The following MAGI3 variants were observed in gnomAD, a reference collection of about 807,000 sequenced individuals.
MAGI3 encodes membrane associated guanylate kinase, WW and PDZ domain containing 3.
A neutral mutation model predicts 121.8 loss-of-function variants in MAGI3; 43 were observed. The observed-to-expected ratio is 0.35, with a 90% CI of 0.28 to 0.46. The LOEUF (loss-of-function observed/expected upper bound fraction) is 0.46. MAGI3 is among the 20% of genes least tolerant of loss of function. The pLI is 1.00. For synonymous variants in MAGI3, 553 were observed against 639.3 expected (o/e 0.86, Z 2.04); for missense variants, 1,547 against 1,797.3 (o/e 0.86, Z 2.52).
chr1:113,491,492 C>G (rs1656663981), intron 1 of MAGI3, among the ~76,000 whole-genome samples: 1 of 151,924 alleles, frequency 6.6e-6, no homozygotes, highest in African/African-American at 2.4e-5. Context: ...CAAAGAAATC[C>G]CAAAGCTAGC....
At chr1:113,579,664 A>C (rs189126784) in intron 2 of MAGI3, among the ~76,000 whole-genome samples, 113 of 152,270 alleles carry the variant, frequency 7.4e-4, no homozygotes, top group African/African-American at 2.5e-3. Flanking sequence ...ACCAACAATA[A>C]AGGTCCTAGA....
chr1:113,399,165 C>T (rs868820679), intron 1 of MAGI3, among the ~76,000 whole-genome samples: 9 of 152,006 alleles, frequency 5.9e-5, no homozygotes, highest in South Asian at 4.2e-4. Context: ...CTCTGAACCC[C>T]GAAGTCATAC....
At chr1:113,560,665 A>G (rs1660197220) in intron 2 of MAGI3, among the ~76,000 whole-genome samples, 1 of 152,156 alleles carries the variant, frequency 6.6e-6, no homozygotes, top group Non-Finnish European at 1.5e-5. Flanking sequence ...TCAAAAGGCT[A>G]GAAAGATCTC....
intron 1 of MAGI3, among the ~76,000 whole-genome samples, chr1:113,468,250 C>T (rs922408606): frequency 1.8e-4 from 27 of 152,030 alleles, no homozygotes; most frequent in African/African-American, 6.3e-4. Flanking sequence ...TTAGTACTAC[C>T]ATTTTGTTGC....
chr1:113,683,991 G>A lies in MAGI3; in HGVS notation c.4423G>A (p.Gly1475Ser), dbSNP rs1648391715. The A allele has an allele frequency of 6.3e-7, 1 of 1,576,886 alleles. No homozygotes were observed. The highest frequency in any genetic ancestry group is 2.0e-5 in the Admixed American group (1 of 50,308). The change falls in exon 21 of 21, where the codon GGT (glycine) becomes AGT (serine). Residue 1475 changes from glycine to serine, a missense_variant. By Grantham distance (56) the Gly-to-Ser change is moderately conservative (BLOSUM62 0). Transcript: ENST00000307546. ...TGGAAATAAAGTCACAGGCACTATT[G>A]GTATGGCTGAGAAACGGCAGTAACC... Reference protein sequence around the residue: ...PSGNKVTGTIGMAEKRQ With the variant: ...PSGNKVTGTISMAEKRQ
rs944679170 is a variant in MAGI3 at position 113,490,524 on chromosome 1, C to T, written c.317-58991C>T. 7.2e-5 allele frequency among the ~76,000 whole-genome samples: 11 copies of T among 152,278 alleles called. No homozygotes were observed. The East Asian group carries it at 1.5e-3, about 21-fold the overall frequency. On this transcript the variant is annotated intron_variant, in intron 1 of 20. Coordinates refer to ENST00000307546, the MANE Select transcript of MAGI3 (RefSeq NM_001142782.2). ...TGTGACAGTGTCAGATCCAAACATACTAATACTAACCTTGAATGTAATGAG... is the reference window on the plus strand; with the variant it reads ...TGTGACAGTGTCAGATCCAAACATATTAATACTAACCTTGAATGTAATGAG...
intron 6 of MAGI3, among the ~76,000 whole-genome samples, chr1:113,613,067 C>T (rs1650258382): frequency 6.6e-6 from 1 of 152,064 alleles, no homozygotes; most frequent in Non-Finnish European, 1.5e-5. Flanking sequence ...TGTTATAGTG[C>T]AGTTTTACAG....
chr1:113,397,609 A>G (rs1651184657), intron 1 of MAGI3, among the ~76,000 whole-genome samples: 1 of 152,216 alleles, frequency 6.6e-6, no homozygotes, highest in African/African-American at 2.4e-5. Context: ...CAAGGGCACA[A>G]AATCCACATT....
intron 16 of MAGI3, among the ~76,000 whole-genome samples, chr1:113,670,179 C>T (rs1479198681): frequency 1.3e-5 from 2 of 152,176 alleles, no homozygotes. Flanking sequence ...CCAAGCCCAG[C>T]AGCCAGAGGG....
chr1:113,680,485 C>T (rs571080971), intron 19 of MAGI3, among the ~76,000 whole-genome samples: 3 of 151,972 alleles, frequency 2.0e-5, no homozygotes, highest in Admixed American at 6.6e-5. Flanking sequence ...GGGCCGGGCG[C>T]GGTGGCTCAC....
At chr1:113,619,464 T>G (rs1650685618) in intron 7 of MAGI3, among the ~76,000 whole-genome samples, 2 of 152,172 alleles carry the variant, frequency 1.3e-5, no homozygotes, top group Admixed American at 1.3e-4. Context: ...AAGGCTATAG[T>G]TTTGAAAACT....
chr1:113,520,568 TA>T (rs919257652), intron 1 of MAGI3, among the ~76,000 whole-genome samples: 2 of 151,904 alleles, frequency 1.3e-5, no homozygotes, highest in East Asian at 3.9e-4. Context: ...GGCTTTTTTT[TA>T]AAAAAAATTT....
chr1:113,491,079 C>G (rs980902142), intron 1 of MAGI3, among the ~76,000 whole-genome samples: 3 of 152,180 alleles, frequency 2.0e-5, no homozygotes, highest in African/African-American at 4.8e-5. Context: ...AATATACATT[C>G]TTATCATTGT....
chr1:113,485,364 A>T (rs1656335722), intron 1 of MAGI3, among the ~76,000 whole-genome samples: 1 of 152,172 alleles, frequency 6.6e-6, no homozygotes, highest in South Asian at 2.1e-4. Flanking sequence ...TCAGGAATGA[A>T]GTGATGTCAC....
intron 16 of MAGI3, among the ~76,000 whole-genome samples, chr1:113,668,670 C>A (rs1400616429): frequency 8.0e-5 from 12 of 150,042 alleles, no homozygotes; most frequent in Admixed American, 7.9e-4. Flanking sequence ...GCAAGCTCCG[C>A]TTCCCGGGTT....
At chr1:113,571,821 C>T (rs1647311243) in intron 2 of MAGI3, among the ~76,000 whole-genome samples, 1 of 151,978 alleles carries the variant, frequency 6.6e-6, no homozygotes, top group African/African-American at 2.4e-5. Flanking sequence ...TCTAAATATA[C>T]AACCATGTCA....
chr1:113,590,638 AG>A lies in MAGI3; in HGVS notation c.921del (p.Met308Ter), dbSNP rs1308482707. On this transcript the variant is annotated frameshift_variant, in exon 5 of 21. Transcript: ENST00000307546. LOFTEE classifies it high-confidence loss of function. Reference protein sequence around the residue: ...KNWEMAYTDTGMIYFIDHNTK... With the variant: ...KNWEMAYTDTXMIYFIDHNTK... ...ACTGGGAAATGGCCTACACTGACACAGGGATGATCTACTTCATTGAGTAAGC... is the reference window on the plus strand; with the variant it reads ...ACTGGGAAATGGCCTACACTGACACAGGATGATCTACTTCATTGAGTAAGC... 1 of 1,613,612 alleles carries A rather than the reference AG, an allele frequency of 6.2e-7. No individual in the cohort carries two copies. Among genetic ancestry groups the A allele is most frequent in the Non-Finnish European group, 8.5e-7 (1 of 1,179,648 alleles).
chr1:113,407,071 A>C lies in MAGI3; in HGVS notation c.316+15722A>C, dbSNP rs368592555. Reference sequence around the variant, plus strand: ...GTGAGAGGGATCAGATTGAAGAAGTAGACGGGGACCAGTGGGGGTCTGTTA... The same window carrying C: ...GTGAGAGGGATCAGATTGAAGAAGTCGACGGGGACCAGTGGGGGTCTGTTA... On this transcript the variant is annotated intron_variant, in intron 1 of 20. Transcript: ENST00000307546. 2.6e-5 allele frequency among the ~76,000 whole-genome samples: 4 copies of C among 152,292 alleles called. No individual in the cohort carries two copies. The East Asian group carries it at 7.7e-4, about 29-fold the overall frequency.
intron 1 of MAGI3, among the ~76,000 whole-genome samples, chr1:113,392,130 A>G (rs1015308666): frequency 6.6e-6 from 1 of 152,238 alleles, no homozygotes; most frequent in African/African-American, 2.4e-5. Flanking sequence ...TGTTTATGGC[A>G]TACTCGTCAG....
Sources: allele counts gnomAD v4.1 joint callset (sites outside exome capture counted in the v4.1 genomes callset), GRCh38; gene constraint gnomAD v4.1.1; transcripts MANE v1.5; gene names NCBI Gene and HGNC (gene_info 2026-07-23, HGNC 2026-07-21).